Variants in ITGA10 observed in about 807,000 individuals in gnomAD.
ITGA10 encodes the protein integrin subunit alpha 10, also known as integrin alpha-10.
A neutral mutation model predicts 145.2 loss-of-function variants in ITGA10; 105 were observed. That is an observed-to-expected ratio of 0.72 (90% confidence interval 0.62 to 0.85). The LOEUF is 0.85. Ranked by LOEUF, ITGA10 falls within the 40% of genes least tolerant of loss-of-function variation. The probability of loss-of-function intolerance (pLI) is 0.00; values close to 1 mark genes in which losing one functional copy is unlikely to be tolerated. For synonymous variants in ITGA10, 506 were observed against 557.8 expected (o/e 0.91, Z 1.31); for missense variants, 1,317 against 1,444.5 (o/e 0.91, Z 1.43).
chr1:145,906,859 G>C, intron 3 of ITGA10, 35 bp from the exon 4 acceptor site: 1 of 1,471,116 alleles, frequency 6.8e-7, no homozygotes, highest in Non-Finnish European at 9.5e-7. Context: ...ATGAGATCAT[G>C]GGGTCATAGA....
rs1656285392 is a variant in ITGA10, at chr1:145,901,315, G to C, written c.1444-37C>G. 6.2e-7 allele frequency: 1 copy of C among 1,611,242 alleles called. No individual in the cohort carries two copies. Among genetic ancestry groups the C allele is most frequent in the East Asian group, 2.2e-5 (1 of 44,858 alleles). On this transcript the variant is annotated intron_variant, in intron 12 of 29. Coordinates refer to ENST00000369304, the MANE Select transcript of ITGA10 (RefSeq NM_003637.5). The surrounding 1 kb of genome is among the most constrained non-coding windows in gnomAD (Gnocchi z 4.3). ...TGGGTGATGATGACCCCAGAGAAAA[G>C]GGAAGGTAACTGTAGACAAGTGGAC...
chr1:145,895,792 C>T (rs1655307790), intron 25 of ITGA10, 81 bp from the exon 26 acceptor site: 2 of 1,256,720 alleles, frequency 1.6e-6, no homozygotes, highest in Non-Finnish European at 2.3e-6. Context: ...ATACCTACAC[C>T]CTTGTAGTTC....
In ITGA10 at chr1:145,902,509, C is replaced by T. The variant is rs782279907; in HGVS notation, c.1020G>A (p.Glu340=). 1.2e-6 allele frequency: 2 copies of T among 1,613,876 alleles called. No homozygotes were observed. The highest frequency in any genetic ancestry group is 1.7e-6 in the Non-Finnish European group (2 of 1,179,898). The change falls in exon 9 of 30, where the codon GAG becomes GAA. Residue 340 remains glutamate (E), a synonymous_variant. Transcript: ENST00000369304. The part of the protein sequence containing the change: ...DERFFFNVTD[E]AALTDIVDAL... ...CATCCACAATGTCAGTCAGAGCAGCCTCATCTGTGACATTGAAGAAGAATC... is the reference window on the plus strand; with the variant it reads ...CATCCACAATGTCAGTCAGAGCAGCTTCATCTGTGACATTGAAGAAGAATC...
At chr1:145,906,071 A>G (rs1238207484) in intron 5 of ITGA10, 3 of 289,508 alleles carry the variant, frequency 1.0e-5, no homozygotes, top group Middle Eastern at 1.3e-3. Context: ...ACAGGCATGC[A>G]CTAGCGCACC....
intron 27 of ITGA10, among the ~76,000 whole-genome samples, chr1:145,894,809 A>G (rs1182038506): frequency 6.6e-6 from 1 of 152,262 alleles, no homozygotes; most frequent in Non-Finnish European, 1.5e-5. Flanking sequence ...TAGCAAAAAT[A>G]TGTTAAGCGC....
chr1:145,909,627 A>G lies in ITGA10; in HGVS notation c.52+336T>C, dbSNP rs587601402. On this transcript the variant is annotated intron_variant, in intron 1 of 29. Coordinates refer to ENST00000369304, the MANE Select transcript of ITGA10 (RefSeq NM_003637.5). ...ATTATATATAATATATAATTATGTT[A>G]TATATTATATGTATATTATATATAA... Among the ~76,000 whole-genome samples the G allele has an allele frequency of 1.3e-3, 178 of 138,380 alleles. 1 individual carries two copies. Among genetic ancestry groups the G allele is most frequent in the Admixed American group, 4.3e-3 (56 of 12,882 alleles). The allele number at this position is 138,380 out of a possible 152,430, so 90.8% of individuals were successfully genotyped here. A position where few individuals can be genotyped will look rare whatever the true frequency, so the allele number is the denominator to read the frequency against.
At chr1:145,909,805 A>C (rs1347785149) in intron 1 of ITGA10, among the ~76,000 whole-genome samples, 158 bp downstream of exon 1, 1 of 151,272 alleles carries the variant, frequency 6.6e-6, no homozygotes, top group East Asian at 1.9e-4. Flanking sequence ...GTGAGGGCAT[A>C]AAAATGCACA....
At chr1:145,909,656 ATAAT>A (rs1222768377) in intron 1 of ITGA10, among the ~76,000 whole-genome samples, 12 of 138,208 alleles carry the variant, frequency 8.7e-5, no homozygotes, top group South Asian at 6.6e-4. Flanking sequence ...TATATAATAT[ATAAT>A]TGTTATATAT....
chr1:145,906,653 G>A, intron 4 of ITGA10, 80 bp downstream of exon 4: 5 of 1,341,008 alleles, frequency 3.7e-6, no homozygotes, highest in Non-Finnish European at 5.3e-6. Flanking sequence ...CCTCCACACA[G>A]ACCATTTTCC....
rs782127617 is a variant in ITGA10, at chr1:145,909,321, G to A, written c.52+642C>T. Among the ~76,000 whole-genome samples the A allele has an allele frequency of 6.0e-5, 9 of 150,578 alleles. No individual in the cohort carries two copies. The South Asian group carries it at 8.3e-4, about 14-fold the overall frequency. ...TTTCAAAAAAAAAAATTAGCTGTGCGTGGTGGCGCGTACCTAGTAGTCCCA... is the reference window on the plus strand; with the variant it reads ...TTTCAAAAAAAAAAATTAGCTGTGCATGGTGGCGCGTACCTAGTAGTCCCA... On this transcript the variant is annotated intron_variant, in intron 1 of 29. Transcript: ENST00000369304.
chr1:145,901,760 TAACCAGAGGTCAGTGAGA>T lies in ITGA10; in HGVS notation c.1294+99_1295-97del. On this transcript the variant is annotated intron_variant, in intron 11 of 29. Coordinates refer to ENST00000369304, the MANE Select transcript of ITGA10 (RefSeq NM_003637.5). This position sits in a 1 kb window ranked among gnomAD's most constrained non-coding sequence, Gnocchi z 4.3. ...GCATAGCAGGAGGTCCCAAGGGAAG[TAACCAGAGGTCAGTGAGA>T]AACCGCATGAGTTAAGAGGGAGTAT... 1.3e-6 allele frequency: 2 copies of T among 1,541,266 alleles called. No homozygotes were observed. Among genetic ancestry groups the T allele is most frequent in the Non-Finnish European group, 1.8e-6 (2 of 1,138,670 alleles).
chr1:145,892,971 G>T, intron 29 of ITGA10, 108 bp from the exon 30 acceptor site: 2 of 1,004,030 alleles, frequency 2.0e-6, no homozygotes, highest in South Asian at 1.4e-5. Context: ...TCCAAAAATG[G>T]AATTCAAATT....
rs1656038901 is a variant in ITGA10 at position 145,900,101 on chromosome 1, C to T, written c.1878G>A (p.Leu626=). ...CCTGGGCACCCACAGCCACATCGAC[C>T]AGATCATCTCCATCCAGATCTAGCC... ...DGRLDLDGDD[L]VDVAVGAQGA... The change falls in exon 15 of 30, where the codon CTG becomes CTA. Residue 626 remains leucine, a synonymous_variant. Coordinates refer to ENST00000369304, the MANE Select transcript of ITGA10 (RefSeq NM_003637.5). 1.1e-5 allele frequency: 18 copies of T among 1,613,574 alleles called. No individual in the cohort carries two copies. Among genetic ancestry groups the T allele is most frequent in the Non-Finnish European group, 1.5e-5 (18 of 1,179,720 alleles).
At chr1:145,905,310 C>T (rs879974554) in intron 5 of ITGA10, among the ~76,000 whole-genome samples, 1 of 151,352 alleles carries the variant, frequency 6.6e-6, no homozygotes, top group African/African-American at 2.4e-5. Context: ...GACAGAGTCT[C>T]GCTCTATTGC....
At chr1:145,898,655 A>G (rs1452148442) in intron 17 of ITGA10, among the ~76,000 whole-genome samples, 1 of 152,198 alleles carries the variant, frequency 6.6e-6, no homozygotes, top group Non-Finnish European at 1.5e-5. Context: ...AGCGTGAGCC[A>G]CTGCGCCCGG....
At chr1:145,906,610 C>A in intron 4 of ITGA10, 102 bp from the exon 5 acceptor site, 1 of 1,280,274 alleles carries the variant, frequency 7.8e-7, no homozygotes, top group Non-Finnish European at 1.1e-6. Context: ...CATTACCTAC[C>A]TTTTGCTTTC....
At chr1:145,909,913 T>C (rs782322942) in intron 1 of ITGA10, 50 bp downstream of exon 1, 1 of 1,496,314 alleles carries the variant, frequency 6.7e-7, no homozygotes, top group South Asian at 1.1e-5. Flanking sequence ...TTCCAAACAA[T>C]CTATGTATCT....
intron 28 of ITGA10, 126 bp downstream of exon 28, chr1:145,893,414 G>A (rs1654957940): frequency 1.1e-6 from 1 of 932,238 alleles, no homozygotes; most frequent in Non-Finnish European, 1.7e-6. Flanking sequence ...AGGAATGGCG[G>A]CAGTGGAACA....
intron 6 of ITGA10, 68 bp from the exon 7 acceptor site, chr1:145,904,268 T>C (rs1656797899): frequency 1.3e-6 from 2 of 1,487,714 alleles, no homozygotes; most frequent in Admixed American, 3.4e-5. Context: ...AAGAAGAAAG[T>C]ATATAAGAGA....
Sources: allele counts gnomAD v4.1 joint callset (sites outside exome capture counted in the v4.1 genomes callset), GRCh38; gene constraint gnomAD v4.1.1; non-coding constraint Gnocchi (gnomAD v3.1); transcripts MANE v1.5; gene names NCBI Gene and HGNC (gene_info 2026-07-23, HGNC 2026-07-21).